VWF: variants seen among roughly 807,000 people sequenced by gnomAD.
VWF encodes the protein von Willebrand factor.
Under a neutral mutation model 308.6 loss-of-function variants are expected in VWF, and 176 were observed. The observed-to-expected ratio is 0.57, with a 90% CI of 0.50 to 0.65. The LOEUF is 0.65. Among genes scored for constraint, VWF ranks in the 30% least tolerant of loss-of-function variants. VWF has a pLI of 0.00. For missense variants in VWF, 3,146 were observed against 3,648.2 expected, an observed-to-expected ratio of 0.86 and a Z score of 3.55; for synonymous variants, 1,385 against 1,443.4, an observed-to-expected ratio of 0.96 and a Z score of 0.92.
rs1250915385 is a variant in VWF at position 6,092,620 on chromosome 12, T to TGAGAGAGAGAGA, written c.657+2839_657+2840insTCTCTCTCTCTC. 6.2e-4 allele frequency among the ~76,000 whole-genome samples: 56 copies of TGAGAGAGAGAGA among 89,702 alleles called. 1 individual carries two copies. The highest frequency in any genetic ancestry group is 2.2e-3 in the African/African-American group (37 of 16,798). The allele number at this position is 89,702 out of a possible 152,430, so 58.8% of individuals were successfully genotyped here. Reference sequence around the variant, plus strand: ...CAGCTAGTTAGTGAGTGAGTGAGAGTGTGTGTGTGTGTGTGTGTGTGTGTG... The same window carrying TGAGAGAGAGAGA: ...CAGCTAGTTAGTGAGTGAGTGAGAGTGAGAGAGAGAGAGTGTGTGTGTGTGTGTGTGTGTGTG... On this transcript the variant is annotated intron_variant, in intron 6 of 51. Coordinates refer to ENST00000261405, the MANE Select transcript of VWF (RefSeq NM_000552.5).
intron 47 of VWF, among the ~76,000 whole-genome samples, chr12:5,959,799 T>TA (rs1295195735): frequency 6.6e-6 from 1 of 151,768 alleles, no homozygotes; most frequent in Non-Finnish European, 1.5e-5. Context: ...CTAGCGGTAA[T>TA]AAAAAACAAT....
intron 16 of VWF, among the ~76,000 whole-genome samples, chr12:6,049,399 C>A (rs1200230652): frequency 6.6e-6 from 1 of 152,154 alleles, no homozygotes; most frequent in Admixed American, 6.5e-5. Flanking sequence ...ACTCCCCAAC[C>A]CTGTTCACCC....
At chr12:6,035,651 C>T (rs1479623995) in intron 19 of VWF, among the ~76,000 whole-genome samples, 8 of 152,218 alleles carry the variant, frequency 5.3e-5, no homozygotes, top group Admixed American at 2.6e-4. Flanking sequence ...AGCACACTCA[C>T]GAAGTGCTCA....
chr12:6,119,062 T>A (rs1945402173), intron 3 of VWF, among the ~76,000 whole-genome samples: 1 of 152,232 alleles, frequency 6.6e-6, no homozygotes, highest in South Asian at 2.1e-4. Flanking sequence ...TTCAGGACCA[T>A]CTTGGCAAAG....
intron 31 of VWF, among the ~76,000 whole-genome samples, chr12:6,015,776 G>C (rs1404615581): frequency 6.6e-6 from 1 of 152,186 alleles, no homozygotes; most frequent in Admixed American, 6.5e-5. Flanking sequence ...TTTAGTAAGA[G>C]ACCACGAATC....
At chr12:6,004,726 A>ATATATAGC (rs1491453804) in intron 34 of VWF, among the ~76,000 whole-genome samples, 10 of 151,262 alleles carry the variant, frequency 6.6e-5, no homozygotes, top group African/African-American at 1.7e-4. Flanking sequence ...TTATATATAG[A>ATATATAGC]TATATAGATG....
intron 7 of VWF, among the ~76,000 whole-genome samples, chr12:6,074,630 C>T (rs989799444): frequency 1.3e-5 from 2 of 152,094 alleles, no homozygotes; most frequent in African/African-American, 4.8e-5. Flanking sequence ...CACACGTGTG[C>T]AGTGTAAAGA....
intron 10 of VWF, among the ~76,000 whole-genome samples, chr12:6,068,835 CGTGTGTGT>C (rs34977515): frequency 4.7e-4 from 43 of 91,310 alleles, no homozygotes; most frequent in Admixed American, 1.1e-3. Flanking sequence ...TTTTTTTTTG[CGTGTGTGT>C]GTGTGTGTGT....
At position 6,063,275 on chromosome 12, in the gene VWF, T is replaced by C. The variant is rs1274305309; in HGVS notation, c.1433-221A>G. Among the ~76,000 whole-genome samples the C allele has an allele frequency of 1.3e-5, 2 of 152,118 alleles. No individual in the cohort carries two copies. Among genetic ancestry groups the C allele is most frequent in the Non-Finnish European group, 2.9e-5 (2 of 68,020 alleles). On this transcript the variant is annotated intron_variant, in intron 12 of 51. Transcript: ENST00000261405. This position sits in a 1 kb window ranked among gnomAD's most constrained non-coding sequence, Gnocchi z 4.9. ...ATAGGGTCCCCCAGGAAGAAGCCTC[T>C]GCACCCCCCGCTATGACCTGCCATT...
In VWF at chr12:6,057,935, T is replaced by C. The variant is rs1944607652; in HGVS notation, c.1643A>G (p.Asp548Gly). 4 of 1,613,662 alleles carry C rather than the reference T, an allele frequency of 2.5e-6. No individual in the cohort carries two copies. The highest frequency in any genetic ancestry group is 4.5e-5 in the East Asian group (2 of 44,872). Reference protein sequence around the residue: ...PSGLAEPRVEDFGNAWKLHGD... With the variant: ...PSGLAEPRVEGFGNAWKLHGD... ...GTGCAGCTTCCAGGCGTTCCCGAAGTCCTCCACCCGGGGCTCCGCCAGCCC... is the reference window on the plus strand; with the variant it reads ...GTGCAGCTTCCAGGCGTTCCCGAAGCCCTCCACCCGGGGCTCCGCCAGCCC... Residue 548 changes from aspartate to glycine, a missense_variant, in exon 14 of 52, where the codon GAC becomes GGC. Transcript: ENST00000261405.
chr12:6,075,267 T>G lies in VWF; in HGVS notation c.874+68A>C. On this transcript the variant is annotated intron_variant, in intron 7 of 51. Transcript: ENST00000261405. This position sits in a 1 kb window ranked among gnomAD's most constrained non-coding sequence, Gnocchi z 4.7. ...TACGTGACACAGCCCCGAAGCACCC[T>G]AAGGGACACCACCCAGGACAGACCG... 6.2e-7 allele frequency: 1 copy of G among 1,602,966 alleles called. No homozygotes were observed. Among genetic ancestry groups the G allele is most frequent in the Non-Finnish European group, 8.5e-7 (1 of 1,172,620 alleles).
At chr12:5,956,848 A>G (rs1334930856) in intron 47 of VWF, among the ~76,000 whole-genome samples, 2 of 152,200 alleles carry the variant, frequency 1.3e-5, no homozygotes, top group Admixed American at 6.5e-5. Flanking sequence ...TTAATTTATT[A>G]TTGAAGAAAG....
chr12:6,066,412 A>G (rs1020506206), intron 10 of VWF, among the ~76,000 whole-genome samples: 1 of 152,240 alleles, frequency 6.6e-6, no homozygotes, highest in Non-Finnish European at 1.5e-5. Flanking sequence ...AGAAATATAT[A>G]TAGAGAGAGA....
At chr12:6,002,452 A>G (rs528275353) in intron 34 of VWF, among the ~76,000 whole-genome samples, 41 of 152,122 alleles carry the variant, frequency 2.7e-4, no homozygotes, top group African/African-American at 9.1e-4. Flanking sequence ...TTTTACTTGT[A>G]CCCTAGAGTA....
chr12:6,052,196 T>C (rs1944522882), intron 16 of VWF, among the ~76,000 whole-genome samples: 1 of 152,198 alleles, frequency 6.6e-6, no homozygotes, highest in African/African-American at 2.4e-5. Flanking sequence ...TTGAGAATAC[T>C]GAAAGCAGGC....
At chr12:6,043,905 T>C (rs1275229232) in intron 18 of VWF, among the ~76,000 whole-genome samples, 2 of 152,216 alleles carry the variant, frequency 1.3e-5, no homozygotes, top group African/African-American at 4.8e-5. Context: ...ACGTCAATCA[T>C]ATGCAAATAT....
chr12:6,115,058 T>C (rs1186101018), intron 3 of VWF, among the ~76,000 whole-genome samples: 2 of 152,212 alleles, frequency 1.3e-5, no homozygotes, highest in African/African-American at 2.4e-5. Flanking sequence ...TTCTTTTGTT[T>C]TGAGGTCTTG....
intron 47 of VWF, among the ~76,000 whole-genome samples, chr12:5,964,024 G>C (rs570524192): frequency 2.0e-5 from 3 of 151,952 alleles, no homozygotes; most frequent in Admixed American, 2.0e-4. Flanking sequence ...TGGTTAACAC[G>C]GTGAAACCCC....
chr12:6,104,209 T>C (rs971534701), intron 5 of VWF, among the ~76,000 whole-genome samples: 1 of 151,868 alleles, frequency 6.6e-6, no homozygotes, highest in African/African-American at 2.4e-5. Flanking sequence ...GAAATGCAAA[T>C]TAAAACCACA....
Sources: gnomAD v4.1 joint callset for allele counts (sites outside exome capture counted in the v4.1 genomes callset) on GRCh38, gnomAD v4.1.1 for gene constraint, Gnocchi (gnomAD v3.1) non-coding constraint, MANE v1.5 for transcripts, NCBI Gene and HGNC (gene_info 2026-07-23, HGNC 2026-07-21) for gene names.